The following ITIH5 variants were observed in gnomAD, a reference collection of about 807,000 sequenced individuals.
ITIH5 encodes inter-alpha-trypsin inhibitor heavy chain 5.
ITIH5 carries 65 observed loss-of-function variants against 77.5 expected under a neutral mutation model. The observed-to-expected ratio is 0.84, with a 90% CI of 0.69 to 1.03. The LOEUF is 1.03. Among genes scored for constraint, ITIH5 ranks in the 50% least tolerant of loss-of-function variants. The pLI, the probability that ITIH5 is intolerant of heterozygous loss-of-function variation, is 0.00. For missense variants in ITIH5, 1,208 were observed against 1,213.1 expected, an observed-to-expected ratio of 1.00 and a Z score of 0.06; for synonymous variants, 525 against 494.3, an observed-to-expected ratio of 1.06 and a Z score of -0.82.
intron 8 of ITIH5, among the ~76,000 whole-genome samples, chr10:7,585,320 G>A (rs1016379840): frequency 1.3e-5 from 2 of 152,150 alleles, no homozygotes; most frequent in African/African-American, 4.8e-5. Context: ...GAATTTTTAT[G>A]ATCTTTTCTC....
chr10:7,599,303 C>T (rs1421561691), intron 7 of ITIH5, among the ~76,000 whole-genome samples: 2 of 152,158 alleles, frequency 1.3e-5, no homozygotes, highest in Non-Finnish European at 2.9e-5. Flanking sequence ...CCCAACCTAC[C>T]TCTAACTCTT....
intron 8 of ITIH5, among the ~76,000 whole-genome samples, chr10:7,583,616 G>A (rs4749035): frequency 0.34 from 52,462 of 152,120 alleles, 9,545 homozygotes; most frequent in East Asian, 0.49. Flanking sequence ...TTATAGGTAT[G>A]AGCCACTGCG....
At chr10:7,630,969 T>C (rs1256458488) in intron 5 of ITIH5, among the ~76,000 whole-genome samples, 1 of 151,854 alleles carries the variant, frequency 6.6e-6, no homozygotes, top group East Asian at 1.9e-4. Flanking sequence ...CCTTCAGTTT[T>C]GATAGAGATG....
At position 7,563,222 on chromosome 10, in the gene ITIH5, T is replaced by C. The variant is rs948760624; in HGVS notation, c.2690A>G (p.Asn897Ser). 4 of 1,614,088 alleles carry C rather than the reference T, an allele frequency of 2.5e-6. No homozygotes were observed. The highest frequency in any genetic ancestry group is 3.4e-6 in the Non-Finnish European group (4 of 1,180,038). ...CCAGCAGTCTATCTGCTCTTCCCCG[T>C]TGTAAATCTTCCTTTGCTTCCAGAC... ...PVVWKQRKIY[N>S]GEEQIDCWFA... Residue 897 changes from asparagine to serine, a missense_variant, in exon 14 of 14, where the codon AAC (asparagine) becomes AGC (serine). Asn to Ser is a conservative substitution (Grantham distance 46). Coordinates refer to ENST00000397146, the MANE Select transcript of ITIH5 (RefSeq NM_030569.7).
At chr10:7,583,425 C>T (rs1463487462) in intron 8 of ITIH5, among the ~76,000 whole-genome samples, 3 of 152,136 alleles carry the variant, frequency 2.0e-5, no homozygotes, top group African/African-American at 4.8e-5. Flanking sequence ...CTCCGCCTCC[C>T]AGGTTCATGC....
intron 7 of ITIH5, among the ~76,000 whole-genome samples, chr10:7,604,533 G>A (rs1296604400): frequency 6.6e-6 from 1 of 152,218 alleles, no homozygotes; most frequent in Non-Finnish European, 1.5e-5. Flanking sequence ...CCAGCAAGAT[G>A]TGTTTCGATT....
chr10:7,585,700 C>T (rs1424599560), intron 8 of ITIH5, among the ~76,000 whole-genome samples: 1 of 152,060 alleles, frequency 6.6e-6, no homozygotes, highest in Non-Finnish European at 1.5e-5. Flanking sequence ...TCACCAGCTT[C>T]ACTTGTAGAC....
At chr10:7,574,322 A>C (rs1348731521) in intron 10 of ITIH5, among the ~76,000 whole-genome samples, 1 of 152,194 alleles carries the variant, frequency 6.6e-6, no homozygotes, top group Non-Finnish European at 1.5e-5. Context: ...TCCCTTCTCA[A>C]TACTGGTCTT....
At chr10:7,591,070 C>G (rs12260423) in intron 7 of ITIH5, among the ~76,000 whole-genome samples, 45,361 of 151,820 alleles carry the variant, frequency 0.3, 7,292 homozygotes, top group East Asian at 0.49. Flanking sequence ...CTAATTTTTT[C>G]TATTTTAGTA....
chr10:7,601,642 GC>G (rs1208336798), intron 7 of ITIH5, among the ~76,000 whole-genome samples: 1 of 152,022 alleles, frequency 6.6e-6, no homozygotes, highest in Non-Finnish European at 1.5e-5. Context: ...CTTCCAGGTG[GC>G]CCCAGGAATG....
At chr10:7,617,333 AAAG>A in intron 5 of ITIH5, 51 bp from the exon 6 acceptor site, 1 of 1,200,962 alleles carries the variant, frequency 8.3e-7, no homozygotes, top group Non-Finnish European at 1.1e-6. Flanking sequence ...ATTTTTCCAA[AAAG>A]AAATAAAAAC....
chr10:7,644,496 A>AATCACATATATATGATATAT (rs1207601851), intron 2 of ITIH5, among the ~76,000 whole-genome samples: 6 of 64,930 alleles, frequency 9.2e-5, no homozygotes, highest in Non-Finnish European at 1.3e-4. Context: ...TATATATCAT[A>AATCACATATATATGATATAT]ATCACATATA....
rs56939703 is a variant in ITIH5, at chr10:7,640,148, C to CAAAAAAAA, written c.401+598_401+605dup. Among the ~76,000 whole-genome samples, 420 of 80,162 alleles carry CAAAAAAAA rather than the reference C, an allele frequency of 5.2e-3. 4 individuals are homozygous for CAAAAAAAA. The highest frequency in any genetic ancestry group is 8.9e-3 in the Middle Eastern group (1 of 112). The allele number at this position is 80,162 out of a possible 152,430, so 52.6% of individuals were successfully genotyped here. A position where few individuals can be genotyped will look rare whatever the true frequency, so the allele number is the denominator to read the frequency against. On this transcript the variant is annotated intron_variant, in intron 4 of 13. Coordinates refer to ENST00000397146, the MANE Select transcript of ITIH5 (RefSeq NM_030569.7). ...AATATTTAGAGTTAGGGGGTAACTACAAAAAAAAAAAAAAAAAAAAAAACT... is the reference window on the plus strand; with the variant it reads ...AATATTTAGAGTTAGGGGGTAACTACAAAAAAAAAAAAAAAAAAAAAAAAAAAAAAACT...
At chr10:7,603,124 A>G (rs7896261) in intron 7 of ITIH5, among the ~76,000 whole-genome samples, 147,871 of 152,272 alleles carry the variant, frequency 0.97, 71,891 homozygotes, top group Middle Eastern at 1. Context: ...GAGGCACACA[A>G]ATCTGTGCAA....
intron 2 of ITIH5, 107 bp downstream of exon 2, chr10:7,655,524 G>T: frequency 1.2e-6 from 1 of 851,732 alleles, no homozygotes; most frequent in Non-Finnish European, 1.9e-6. Flanking sequence ...TTTTCTACAA[G>T]CAACTTTATA....
intron 5 of ITIH5, among the ~76,000 whole-genome samples, chr10:7,630,059 A>C (rs1421252685): frequency 2.0e-5 from 3 of 152,340 alleles, no homozygotes; most frequent in Admixed American, 6.5e-5. Flanking sequence ...TAAAAATTTT[A>C]GTTATTTGTA....
In ITIH5 at chr10:7,563,016, A is replaced by G. The variant is rs765517964; in HGVS notation, c.*67T>C. 7.0e-7 allele frequency: 1 copy of G among 1,431,220 alleles called. No homozygotes were observed. The highest frequency in any genetic ancestry group is 1.2e-5 in the South Asian group (1 of 86,366). 88.7% of individuals were successfully genotyped at this position (1,431,220 alleles called of 1,614,324 possible). ...AGCTGAGGCGTGTACAAGCCATGAA[A>G]AGAGCTGCCCCACGGCCTCCCCACA... On this transcript the variant is annotated 3_prime_UTR_variant, in exon 14 of 14. Transcript: ENST00000397146.
intron 1 of ITIH5, among the ~76,000 whole-genome samples, chr10:7,657,770 G>T (rs1834212063): frequency 6.6e-6 from 1 of 152,206 alleles, no homozygotes; most frequent in Non-Finnish European, 1.5e-5. Flanking sequence ...AATAAGTTAT[G>T]AATGTAAGTA....
At chr10:7,629,157 A>G (rs867237379) in intron 5 of ITIH5, among the ~76,000 whole-genome samples, 318 of 83,922 alleles carry the variant, frequency 3.8e-3, no homozygotes, top group African/African-American at 0.01. Context: ...TGTGGCATGC[A>G]TCCATGTTAT....
Sources: gnomAD v4.1 joint callset for allele counts (sites outside exome capture counted in the v4.1 genomes callset) on GRCh38, gnomAD v4.1.1 for gene constraint, MANE v1.5 for transcripts, NCBI Gene and HGNC (gene_info 2026-07-23, HGNC 2026-07-21) for gene names.